ZFHX3: variants seen among roughly 807,000 people sequenced by gnomAD.
ZFHX3 encodes zinc finger homeobox 3.
A neutral mutation model predicts 279.1 loss-of-function variants in ZFHX3; 42 were observed. The observed-to-expected ratio is 0.15, with a 90% confidence interval of 0.12 to 0.19. ZFHX3 has a LOEUF of 0.19. ZFHX3 is among the 10% of genes least tolerant of loss of function. ZFHX3 has a pLI of 1.00. For missense variants in ZFHX3, 4,981 were observed against 4,754.0 expected (o/e 1.05, Z -1.40); for synonymous variants, 2,293 against 1,957.8 (o/e 1.17, Z -4.52).
intron 4 of ZFHX3, among the ~76,000 whole-genome samples, chr16:72,870,343 G>A (rs1021479713): frequency 6.6e-6 from 1 of 151,648 alleles, no homozygotes; most frequent in Admixed American, 6.6e-5. Context: ...AGTGAGCCAA[G>A]ATCTCGCCAT....
At chr16:72,864,712 T>TG (rs2037970628) in intron 4 of ZFHX3, among the ~76,000 whole-genome samples, 1 of 152,230 alleles carries the variant, frequency 6.6e-6, no homozygotes, top group South Asian at 2.1e-4. Context: ...GATCACATAC[T>TG]GGCACATCAG....
At chr16:73,579,717 T>A (rs1392984603) in intron 2 of ZFHX3, among the ~76,000 whole-genome samples, 2 of 150,176 alleles carry the variant, frequency 1.3e-5, no homozygotes, top group Admixed American at 1.3e-4. Flanking sequence ...TTAGCCAGGA[T>A]GGTCTCGATC....
intron 1 of ZFHX3, among the ~76,000 whole-genome samples, chr16:73,790,159 T>G (rs150182256): frequency 9.4e-4 from 143 of 152,160 alleles, no homozygotes; most frequent in African/African-American, 3.3e-3. Flanking sequence ...AGGTTAAAAA[T>G]AGTAACAAAA....
chr16:73,184,774 A>C (rs542652238), intron 5 of ZFHX3, among the ~76,000 whole-genome samples: 15 of 152,340 alleles, frequency 9.8e-5, no homozygotes, highest in African/African-American at 3.4e-4. Flanking sequence ...TTTGGGAGAA[A>C]AAAAATGTCA....
chr16:73,564,742 C>A (rs957453676), intron 2 of ZFHX3, among the ~76,000 whole-genome samples: 27 of 152,190 alleles, frequency 1.8e-4, no homozygotes, highest in Non-Finnish European at 5.9e-5. Flanking sequence ...AATTGTACCA[C>A]TGAGGTCTCT....
At chr16:73,846,983 G>C (rs1005021729) in intron 1 of ZFHX3, among the ~76,000 whole-genome samples, 1 of 151,696 alleles carries the variant, frequency 6.6e-6, no homozygotes, top group Non-Finnish European at 1.5e-5. Context: ...ATTCCCCTTA[G>C]TGCTCAAAGA....
intron 5 of ZFHX3, among the ~76,000 whole-genome samples, chr16:73,151,938 A>G (rs1966953910): frequency 6.8e-6 from 1 of 146,534 alleles, no homozygotes. Context: ...ACCCACACAG[A>G]AAAAAACAGA....
chr16:73,310,992 C>G (rs8045329), intron 4 of ZFHX3, among the ~76,000 whole-genome samples: 119,664 of 152,050 alleles, frequency 0.79, 47,450 homozygotes, highest in African/African-American at 0.87. Flanking sequence ...CAGCACCTTG[C>G]GAGGCCGAGG....
chr16:72,980,356 C>G (rs774412745), intron 1 of ZFHX3, among the ~76,000 whole-genome samples: 1 of 152,090 alleles, frequency 6.6e-6, no homozygotes. Flanking sequence ...CAGCTAGATG[C>G]GCTATGTAGT....
rs536894013 is a variant in ZFHX3 at position 73,359,866 on chromosome 16, A to G, written c.-1290-41530T>C. The stretch of plus-strand genomic sequence containing the variant: ...ACAGAACATTAAAGATTCAGTGTGG[A>G]TGGGTATTGATCATGGGGGGTGGTT... On this transcript the variant is annotated intron_variant, in intron 3 of 17. Coordinates refer to the ZFHX3 transcript ENST00000641206. Among the ~76,000 whole-genome samples the G allele has an allele frequency of 1.8e-4, 27 of 152,088 alleles. 1 individual carries two copies. The South Asian group carries it at 4.8e-3, about 27-fold the overall frequency.
chr16:73,564,652 G>A (rs188917701), intron 2 of ZFHX3, among the ~76,000 whole-genome samples: 3 of 152,174 alleles, frequency 2.0e-5, no homozygotes, highest in East Asian at 1.9e-4. Context: ...CTATAATCAG[G>A]CCCTCTGGCC....
intron 5 of ZFHX3, among the ~76,000 whole-genome samples, chr16:73,223,214 A>G (rs2012480653): frequency 6.6e-6 from 1 of 152,182 alleles, no homozygotes; most frequent in South Asian, 2.1e-4. Context: ...GAAAGAATTG[A>G]TAAACTAGAT....
chr16:73,804,420 C>T (rs375343910), intron 1 of ZFHX3, among the ~76,000 whole-genome samples: 1 of 152,192 alleles, frequency 6.6e-6, no homozygotes, highest in East Asian at 1.9e-4. Context: ...TGGCACCTCT[C>T]ACATAGGTGA....
At chr16:73,823,936 C>T (rs968955154) in intron 1 of ZFHX3, among the ~76,000 whole-genome samples, 9 of 152,310 alleles carry the variant, frequency 5.9e-5, no homozygotes, top group Middle Eastern at 6.8e-3. Context: ...TCAGAAATCA[C>T]ACTAAGCCAG....
At chr16:73,591,799 T>C (rs1407277266) in intron 2 of ZFHX3, among the ~76,000 whole-genome samples, 1 of 133,906 alleles carries the variant, frequency 7.5e-6, no homozygotes, top group African/African-American at 2.8e-5. Context: ...GTAATGGATG[T>C]GGATCTTGAT....
At chr16:73,261,129 C>G (rs1187088134) in intron 4 of ZFHX3, among the ~76,000 whole-genome samples, 1 of 152,136 alleles carries the variant, frequency 6.6e-6, no homozygotes, top group Non-Finnish European at 1.5e-5. Context: ...ACCTAAAGAT[C>G]TATTAATAGG....
At chr16:73,474,492 C>T (rs1457688238) in intron 2 of ZFHX3, among the ~76,000 whole-genome samples, 2 of 152,188 alleles carry the variant, frequency 1.3e-5, no homozygotes, top group African/African-American at 2.4e-5. Flanking sequence ...AGAGCATTTG[C>T]TTGCATTTTT....
At chr16:72,851,942 C>T (rs769005597) in intron 4 of ZFHX3, among the ~76,000 whole-genome samples, 6 of 152,186 alleles carry the variant, frequency 3.9e-5, no homozygotes, top group Admixed American at 3.3e-4. Flanking sequence ...GAACTAGTTA[C>T]GTGGCCAAGT....
In ZFHX3 at chr16:72,798,676, C is replaced by A. The variant is rs751584946; in HGVS notation, c.4006G>T (p.Ala1336Ser). 3 of 1,581,670 alleles carry A rather than the reference C, an allele frequency of 1.9e-6. No homozygotes were observed. Among genetic ancestry groups the A allele is most frequent in the African/African-American group, 1.4e-5 (1 of 72,998 alleles). Residue 1336 changes from alanine to serine, a missense_variant, in exon 9 of 10, where the codon GCA becomes TCA. Ala to Ser is a moderately conservative substitution (Grantham distance 99). Coordinates refer to ENST00000268489, the MANE Select transcript of ZFHX3 (RefSeq NM_006885.4). ...AAATCTCCGCTTTGCTCTGTGCTTG[C>A]GGATGGCAAGATGTTCTTTCCCAGA... is the stretch of plus-strand genomic sequence containing the variant. ...EDLGKNILPS[A>S]STEQSGDLKP...
Sources: gnomAD v4.1 joint callset for allele counts (sites outside exome capture counted in the v4.1 genomes callset) on GRCh38, gnomAD v4.1.1 for gene constraint, MANE v1.5 for transcripts, NCBI Gene and HGNC (gene_info 2026-07-23, HGNC 2026-07-21) for gene names.